Variants in TTC28 observed in about 807,000 individuals in gnomAD.
The protein encoded by TTC28 is tetratricopeptide repeat domain 28, also known as tetratricopeptide repeat protein 28.
Under a neutral mutation model 198.0 loss-of-function variants are expected in TTC28, and 61 were observed. The observed-to-expected ratio is 0.31, with a 90% CI of 0.25 to 0.38. The LOEUF is 0.38. Among genes scored for constraint, TTC28 ranks in the 10% least tolerant of loss-of-function variants. TTC28 has a pLI of 1.00. For missense variants in TTC28, 2,678 were observed against 3,164.0 expected, an observed-to-expected ratio of 0.85 and a Z score of 3.69; for synonymous variants, 1,171 against 1,297.8, an observed-to-expected ratio of 0.90 and a Z score of 2.10.
chr22:28,087,471 C>A (rs1377637378), intron 12 of TTC28, among the ~76,000 whole-genome samples: 2 of 152,086 alleles, frequency 1.3e-5, no homozygotes, highest in African/African-American at 4.8e-5. Context: ...ACCCTTCATG[C>A]TAAAAAGTCT....
In TTC28 at chr22:28,201,098, T is replaced by C. The variant is rs183842419; in HGVS notation, c.934-37499A>G. Among the ~76,000 whole-genome samples, 43 of 152,196 alleles carry C rather than the reference T, an allele frequency of 2.8e-4. 1 individual carries two copies. Among genetic ancestry groups the C allele is most frequent in the South Asian group, 2.1e-4 (1 of 4,816 alleles). On this transcript the variant is annotated intron_variant, in intron 5 of 22. Transcript: ENST00000397906. The stretch of plus-strand genomic sequence containing the variant: ...GGATAGTGTTATCTCACTTCAGAGG[T>C]TGGAAAACTGAGGGTCAATCAGGTC...
At chr22:28,035,631 G>T (rs943868187) in intron 12 of TTC28, among the ~76,000 whole-genome samples, 1 of 152,122 alleles carries the variant, frequency 6.6e-6, no homozygotes, top group Non-Finnish European at 1.5e-5. Flanking sequence ...TACCTGAAAA[G>T]GCCCACCCAT....
intron 6 of TTC28, among the ~76,000 whole-genome samples, chr22:28,137,684 T>G (rs1312164326): frequency 6.6e-6 from 1 of 151,964 alleles, no homozygotes; most frequent in Non-Finnish European, 1.5e-5. Context: ...TCAGAAGTCA[T>G]ATAATATGAC....
In TTC28 at chr22:28,452,389, C is replaced by CAAAAAAAA. The variant is rs71194768; in HGVS notation, c.382-145754_382-145747dup. ...TGGGCAACAGAGCGAGATTCCATCT[C>CAAAAAAAA]AAAAAAAAAAAAAAAAAAAAAAAAA... On this transcript the variant is annotated intron_variant, in intron 2 of 22. Transcript: ENST00000397906. 9.3e-5 allele frequency among the ~76,000 whole-genome samples: 4 copies of CAAAAAAAA among 43,236 alleles called. 1 individual carries two copies. Among genetic ancestry groups the CAAAAAAAA allele is most frequent in the Non-Finnish European group, 1.5e-4 (4 of 25,956 alleles). 28.4% of individuals were successfully genotyped at this position (43,236 alleles called of 152,430 possible).
At chr22:28,043,241 TCAAA>T (rs1939729493) in intron 12 of TTC28, among the ~76,000 whole-genome samples, 1 of 19,484 alleles carries the variant, frequency 5.1e-5, no homozygotes, top group African/African-American at 2.5e-4. Flanking sequence ...AGACTCCATC[TCAAA>T]AAAAAAAAAA....
At chr22:28,563,562 T>C (rs972258917) in intron 2 of TTC28, among the ~76,000 whole-genome samples, 1 of 152,158 alleles carries the variant, frequency 6.6e-6, no homozygotes, top group African/African-American at 2.4e-5. Flanking sequence ...ACATCATTAG[T>C]TGATTTGCAT....
intron 6 of TTC28, among the ~76,000 whole-genome samples, chr22:28,136,095 A>T (rs558763398): frequency 2.0e-5 from 3 of 152,182 alleles, no homozygotes; most frequent in Non-Finnish European, 1.5e-5. Context: ...CTATTTTTTG[A>T]TAAAATAAAA....
intron 21 of TTC28, 39 bp from the exon 22 acceptor site, chr22:27,985,395 G>T (rs1274687495): frequency 1.3e-6 from 2 of 1,481,982 alleles, no homozygotes; most frequent in Non-Finnish European, 1.8e-6. Context: ...CTTCCTTCGG[G>T]AAGATTCCAG....
intron 2 of TTC28, among the ~76,000 whole-genome samples, chr22:28,515,559 G>T (rs1040016205): frequency 6.6e-6 from 1 of 152,146 alleles, no homozygotes; most frequent in African/African-American, 2.4e-5. Flanking sequence ...AGCACAAACT[G>T]TTCAGGGTTT....
intron 6 of TTC28, among the ~76,000 whole-genome samples, chr22:28,123,589 T>G (rs142148871): frequency 3.9e-5 from 6 of 152,180 alleles, no homozygotes; most frequent in African/African-American, 1.4e-4. Context: ...AATTCTACCT[T>G]TATTGCACAC....
At chr22:28,643,834 A>C (rs1352584171) in intron 1 of TTC28, among the ~76,000 whole-genome samples, 1 of 152,212 alleles carries the variant, frequency 6.6e-6, no homozygotes, top group African/African-American at 2.4e-5. Context: ...TGAGCACTTA[A>C]TATGCCCCTG....
At chr22:28,459,074 TGTTTGA>T (rs1445892784) in intron 2 of TTC28, among the ~76,000 whole-genome samples, 1 of 151,812 alleles carries the variant, frequency 6.6e-6, no homozygotes, top group African/African-American at 2.4e-5. Context: ...TAGTATTAAG[TGTTTGA>T]GTTTGAGAGT....
chr22:28,330,326 G>C (rs1185833987), intron 2 of TTC28, among the ~76,000 whole-genome samples: 2 of 152,098 alleles, frequency 1.3e-5, no homozygotes, highest in East Asian at 3.9e-4. Context: ...CATAAATTCA[G>C]GTCTTGGTAA....
At chr22:27,990,369 C>A (rs1937357811) in intron 20 of TTC28, among the ~76,000 whole-genome samples, 1 of 152,150 alleles carries the variant, frequency 6.6e-6, no homozygotes, top group Non-Finnish European at 1.5e-5. Context: ...ATCTTTAGGA[C>A]CTTGAGGTGG....
chr22:28,317,668 T>G (rs1038017262), intron 2 of TTC28, among the ~76,000 whole-genome samples: 1 of 152,188 alleles, frequency 6.6e-6, no homozygotes, highest in Non-Finnish European at 1.5e-5. Flanking sequence ...ATCTGATATC[T>G]TCAACACTTT....
chr22:28,409,136 G>A (rs2047042405), intron 2 of TTC28, among the ~76,000 whole-genome samples: 1 of 152,074 alleles, frequency 6.6e-6, no homozygotes, highest in African/African-American at 2.4e-5. Context: ...AAAAATTAGT[G>A]ATAATCATGA....
chr22:28,301,647 G>A (rs1000815930), intron 3 of TTC28, among the ~76,000 whole-genome samples: 6 of 152,190 alleles, frequency 3.9e-5, no homozygotes, highest in Non-Finnish European at 8.8e-5. Context: ...ATGAAATGGT[G>A]TGTCACTTTT....
intron 14 of TTC28, among the ~76,000 whole-genome samples, chr22:28,011,526 G>A (rs111348091): frequency 0.022 from 3,355 of 152,276 alleles, 41 homozygotes; most frequent in Non-Finnish European, 0.029. Flanking sequence ...AGCCTGGGAG[G>A]TCGAGGCTGC....
chr22:28,174,576 A>G (rs912547189), intron 5 of TTC28, among the ~76,000 whole-genome samples: 2 of 152,134 alleles, frequency 1.3e-5, no homozygotes, highest in African/African-American at 4.8e-5. Context: ...GCGCAGCACC[A>G]CTGGTGGGCA....
Sources: allele counts gnomAD v4.1 joint callset (sites outside exome capture counted in the v4.1 genomes callset), GRCh38; gene constraint gnomAD v4.1.1; transcripts MANE v1.5; gene names NCBI Gene and HGNC (gene_info 2026-07-23, HGNC 2026-07-21).